The following DAB1 variants were observed in gnomAD, a reference collection of about 807,000 sequenced individuals.
DAB1 encodes DAB adaptor protein 1.
In DAB1, 15 loss-of-function variants were observed where a neutral mutation model predicts 64.6. That is an observed-to-expected ratio of 0.23 (90% confidence interval 0.16 to 0.36). The LOEUF (loss-of-function observed/expected upper bound fraction) is 0.36, where lower values mean the gene tolerates loss of function less well. DAB1 is among the 10% of genes least tolerant of loss of function. The pLI, the probability that DAB1 is intolerant of heterozygous loss-of-function variation, is 1.00. For missense variants in DAB1, 596 were observed against 706.7 expected, an observed-to-expected ratio of 0.84 and a Z score of 1.78; for synonymous variants, 235 against 251.9, an observed-to-expected ratio of 0.93 and a Z score of 0.64.
intron 2 of DAB1, among the ~76,000 whole-genome samples, chr1:57,229,235 G>A (rs1206751179): frequency 2.7e-5 from 4 of 146,592 alleles, no homozygotes; most frequent in Non-Finnish European, 5.9e-5. Context: ...ACTGTGTCAT[G>A]CAGGCTGGAG....
chr1:58,415,558 T>A (rs1644711653), intron 3 of DAB1: 1 of 172,108 alleles, frequency 5.8e-6, no homozygotes, highest in African/African-American at 2.4e-5. Flanking sequence ...TATGTATGCA[T>A]TCAGAAGTTT....
chr1:57,802,019 T>C (rs1557488924), intron 6 of DAB1, among the ~76,000 whole-genome samples: 1 of 152,344 alleles, frequency 6.6e-6, no homozygotes, highest in East Asian at 1.9e-4. Flanking sequence ...CACACCCTTT[T>C]GGCTAAGATC....
chr1:58,469,718 C>T (rs1475831387), intron 3 of DAB1, among the ~76,000 whole-genome samples: 3 of 152,094 alleles, frequency 2.0e-5, no homozygotes, highest in Admixed American at 1.3e-4. Context: ...CATTATTGAG[C>T]GGTGGCAGGG....
chr1:58,318,380 G>A (rs1662605687), intron 4 of DAB1, among the ~76,000 whole-genome samples: 1 of 152,200 alleles, frequency 6.6e-6, no homozygotes, highest in Admixed American at 6.5e-5. Context: ...GCCCAGGAGG[G>A]CTTCTTTTAA....
At chr1:57,036,416 A>C (rs1054123462) in intron 9 of DAB1, among the ~76,000 whole-genome samples, 1 of 151,966 alleles carries the variant, frequency 6.6e-6, no homozygotes, top group Non-Finnish European at 1.5e-5. Flanking sequence ...CTGCTCTCTT[A>C]CAGCTACCTG....
intron 4 of DAB1, among the ~76,000 whole-genome samples, chr1:57,104,564 T>C (rs561133286): frequency 6.6e-6 from 1 of 152,286 alleles, no homozygotes; most frequent in South Asian, 2.1e-4. Flanking sequence ...GAAAGCTGTA[T>C]ATTTCAGGGA....
At chr1:58,311,536 TGGGGATATAGGGCCTG>T (rs1428029499) in intron 4 of DAB1, among the ~76,000 whole-genome samples, 1 of 152,176 alleles carries the variant, frequency 6.6e-6, no homozygotes, top group African/African-American at 2.4e-5. Context: ...CTGAGCATGA[TGGGGATATAGGGCCTG>T]GCCATTTCTA....
rs537282338 is a variant in DAB1 at position 57,221,582 on chromosome 1, C to T, written c.67+69382G>A. Among the ~76,000 whole-genome samples the T allele has an allele frequency of 5.9e-5, 9 of 152,202 alleles. No homozygotes were observed. The East Asian group carries it at 1.5e-3, about 26-fold the overall frequency. On this transcript the variant is annotated intron_variant, in intron 2 of 14. Coordinates refer to ENST00000371236, the MANE Select transcript of DAB1 (RefSeq NM_001365792.1). ...ATTGAACTGCCTAGCACATATGGGG[C>T]TTGGATGCATGACTTCTAGAGACCA...
intron 3 of DAB1, among the ~76,000 whole-genome samples, chr1:58,491,989 T>C (rs1645702355): frequency 6.6e-6 from 1 of 152,164 alleles, no homozygotes; most frequent in African/African-American, 2.4e-5. Context: ...ACCACACCTA[T>C]TCCAAAATTG....
At chr1:58,074,558 A>ATATATATATATATGTGTG (rs1170950120) in intron 5 of DAB1, 1 of 57,604 alleles carries the variant, frequency 1.7e-5, no homozygotes, top group Non-Finnish European at 3.2e-5. Flanking sequence ...ACATATATAT[A>ATATATATATATATGTGTG]TGTGTGTATA....
At chr1:58,338,552 C>T (rs922308222) in intron 4 of DAB1, among the ~76,000 whole-genome samples, 5 of 152,150 alleles carry the variant, frequency 3.3e-5, no homozygotes, top group African/African-American at 1.2e-4. Context: ...TTATATTCAG[C>T]CAGTCATCAA....
intron 2 of DAB1, among the ~76,000 whole-genome samples, chr1:57,173,200 G>A (rs187055695): frequency 1.1e-3 from 163 of 152,222 alleles, no homozygotes; most frequent in Non-Finnish European, 2.5e-4. Flanking sequence ...GCCAGCAACA[G>A]CTTCCAGTTC....
intron 10 of DAB1, among the ~76,000 whole-genome samples, chr1:57,024,655 GT>G (rs1330737217): frequency 1.8e-4 from 28 of 152,324 alleles, no homozygotes; most frequent in African/African-American, 6.5e-4. Flanking sequence ...TTTAAACACA[GT>G]CAGTGCTGTT....
intron 4 of DAB1, among the ~76,000 whole-genome samples, chr1:57,124,871 G>A (rs1178136622): frequency 6.6e-6 from 1 of 152,112 alleles, no homozygotes. Context: ...CAGGCTTGAG[G>A]CTTGAGTCAG....
At chr1:57,596,926 T>C (rs962640508) in intron 7 of DAB1, among the ~76,000 whole-genome samples, 4 of 152,210 alleles carry the variant, frequency 2.6e-5, no homozygotes, top group Non-Finnish European at 4.4e-5. Flanking sequence ...ATTACCAATG[T>C]TTACATTCCA....
At chr1:57,166,690 A>G (rs1388297985) in intron 2 of DAB1, among the ~76,000 whole-genome samples, 1 of 152,170 alleles carries the variant, frequency 6.6e-6, no homozygotes, top group African/African-American at 2.4e-5. Context: ...AGATGAGAGG[A>G]CCATTCCCAA....
intron 1 of DAB1, among the ~76,000 whole-genome samples, chr1:57,385,211 G>T (rs1681714405): frequency 6.6e-6 from 1 of 152,182 alleles, no homozygotes; most frequent in Non-Finnish European, 1.5e-5. Context: ...GCCAATCAGT[G>T]CAAATAAAAT....
intron 3 of DAB1, among the ~76,000 whole-genome samples, chr1:58,400,464 C>T (rs897248239): frequency 1.3e-5 from 2 of 152,174 alleles, no homozygotes; most frequent in Admixed American, 6.5e-5. Context: ...AGGTCTTGGG[C>T]AGGACAGACA....
At chr1:57,962,668 T>C (rs548978159) in intron 5 of DAB1, among the ~76,000 whole-genome samples, 1 of 152,184 alleles carries the variant, frequency 6.6e-6, no homozygotes, top group African/African-American at 2.4e-5. Flanking sequence ...GGCAAGGAGT[T>C]CAAGACCGGC....
Sources: gnomAD v4.1 joint callset for allele counts (sites outside exome capture counted in the v4.1 genomes callset) on GRCh38, gnomAD v4.1.1 for gene constraint, MANE v1.5 for transcripts, NCBI Gene and HGNC (gene_info 2026-07-23, HGNC 2026-07-21) for gene names.